KALRN: variants seen among roughly 807,000 people sequenced by gnomAD.
KALRN encodes kalirin RhoGEF kinase.
Under a neutral mutation model 353.7 loss-of-function variants are expected in KALRN, and 70 were observed. That is an observed-to-expected ratio of 0.20 (90% CI 0.16 to 0.24). The LOEUF (loss-of-function observed/expected upper bound fraction) is 0.24, where lower values mean the gene tolerates loss of function less well. Ranked by LOEUF, KALRN falls within the 10% of genes least tolerant of loss-of-function variation. The pLI is 1.00. For missense variants in KALRN, 2,791 were observed against 3,756.7 expected (o/e 0.74, Z 6.72); for synonymous variants, 1,391 against 1,434.8 (o/e 0.97, Z 0.69).
At chr3:124,567,935 A>G (rs188261789) in intron 34 of KALRN, among the ~76,000 whole-genome samples, 213 of 152,220 alleles carry the variant, frequency 1.4e-3, no homozygotes, top group African/African-American at 4.2e-3. Flanking sequence ...TGTTCACGCC[A>G]CTGCACTCCA....
intron 11 of KALRN, among the ~76,000 whole-genome samples, chr3:124,394,710 T>A (rs1172158174): frequency 6.6e-6 from 1 of 152,226 alleles, no homozygotes; most frequent in Non-Finnish European, 1.5e-5. Flanking sequence ...ACATTCTTTG[T>A]GTATTTGCAA....
chr3:124,052,156 C>A (rs1470205211), intron 1 of KALRN, among the ~76,000 whole-genome samples: 1 of 152,220 alleles, frequency 6.6e-6, no homozygotes, highest in African/African-American at 2.4e-5. Context: ...ACTGCTTGGT[C>A]AGTCCTCCTG....
intron 47 of KALRN, among the ~76,000 whole-genome samples, chr3:124,668,622 G>A (rs1248269771): frequency 6.6e-6 from 1 of 152,170 alleles, no homozygotes; most frequent in Non-Finnish European, 1.5e-5. Flanking sequence ...CTTACAGAAA[G>A]TATTTTTGGG....
intron 17 of KALRN, 60 bp downstream of exon 17, chr3:124,434,585 T>G (rs965395266): frequency 1.7e-5 from 26 of 1,521,906 alleles, no homozygotes; most frequent in Non-Finnish European, 2.3e-5. Context: ...ATTTTCTGCC[T>G]TGCAGTGTAA....
At chr3:124,495,963 A>ATATATATATATGTG (rs1561135731) in intron 32 of KALRN, among the ~76,000 whole-genome samples, 4 of 26,208 alleles carry the variant, frequency 1.5e-4, no homozygotes, top group Non-Finnish European at 2.5e-4. Flanking sequence ...ATGTGTATGT[A>ATATATATATATGTG]TGTATATATA....
chr3:124,151,958 C>T (rs142910225), intron 1 of KALRN: 19 of 1,202,072 alleles, frequency 1.6e-5, no homozygotes, highest in Middle Eastern at 2.8e-4. Context: ...ATGGTAGACA[C>T]CTTAGTTCAT....
intron 21 of KALRN, among the ~76,000 whole-genome samples, chr3:124,451,113 T>C (rs986516508): frequency 6.6e-6 from 1 of 152,062 alleles, no homozygotes; most frequent in African/African-American, 2.4e-5. Flanking sequence ...TATAGAAAAT[T>C]ATGAGATTAT....
chr3:124,543,304 C>G (rs2069244337), intron 33 of KALRN, among the ~76,000 whole-genome samples: 1 of 141,968 alleles, frequency 7.0e-6, no homozygotes, highest in African/African-American at 2.6e-5. Context: ...AATTTACGGA[C>G]TTTTTTTTTT....
chr3:124,213,513 A>T (rs2077066937), intron 1 of KALRN, among the ~76,000 whole-genome samples: 1 of 152,114 alleles, frequency 6.6e-6, no homozygotes, highest in African/African-American at 2.4e-5. Context: ...TTTTAAAAAA[A>T]GTTTAATTAT....
At chr3:124,546,371 G>A (rs2069666316) in intron 33 of KALRN, among the ~76,000 whole-genome samples, 1 of 152,082 alleles carries the variant, frequency 6.6e-6, no homozygotes, top group South Asian at 2.1e-4. Flanking sequence ...GGCTGAGCTG[G>A]GGGGATCACT....
intron 1 of KALRN, among the ~76,000 whole-genome samples, chr3:124,120,831 C>G (rs530141002): frequency 9.3e-5 from 14 of 150,048 alleles, no homozygotes; most frequent in Non-Finnish European, 8.9e-5. Context: ...CAGAAATGCT[C>G]CTGTAATCCC....
chr3:124,445,610 T>A (rs1331161031), intron 19 of KALRN, among the ~76,000 whole-genome samples: 1 of 152,206 alleles, frequency 6.6e-6, no homozygotes, highest in African/African-American at 2.4e-5. Flanking sequence ...CTATGACCAC[T>A]ATTTAGAAGT....
rs192927322 is a variant in KALRN, at chr3:124,043,958, C to G, written c.73+10145C>G. On this transcript the variant is annotated intron_variant, in intron 1 of 59. Transcript: ENST00000682506. ...TCTGGGCAGCCTTCTGAGGAGGGGTCAATGTCTGGCCATCAGGGTACTGTA... is the reference window on the plus strand; with the variant it reads ...TCTGGGCAGCCTTCTGAGGAGGGGTGAATGTCTGGCCATCAGGGTACTGTA... Among the ~76,000 whole-genome samples the G allele has an allele frequency of 3.3e-5, 5 of 152,054 alleles. No individual in the cohort carries two copies. The East Asian group carries it at 9.7e-4, about 30-fold the overall frequency.
Position 124,725,580 on chromosome 3 carries a change from A to C in KALRN, c.*6110A>C, listed in dbSNP as rs2063409207. On this transcript the variant is annotated 3_prime_UTR_variant, in exon 60 of 60. Transcript: ENST00000682506. ...GGTGGGTCAATGTTTCTAATGGAAA[A>C]CCATTTAGGGCCATTCAAAACCATT... 6.6e-6 allele frequency: 1 copy of C among 152,146 alleles called. No individual in the cohort carries two copies. The highest frequency in any genetic ancestry group is 1.5e-5 in the Non-Finnish European group (1 of 68,032). The allele number at this position is 152,146 out of a possible 1,614,324, so 9.4% of individuals were successfully genotyped here.
intron 30 of KALRN, 57 bp from the exon 31 acceptor site, chr3:124,491,266 T>C: frequency 1.1e-6 from 1 of 926,114 alleles, no homozygotes; most frequent in Non-Finnish European, 1.6e-6. Flanking sequence ...ACCCCAGCCC[T>C]AAGTTTCCCC....
intron 10 of KALRN, among the ~76,000 whole-genome samples, chr3:124,360,467 A>G (rs955799438): frequency 6.6e-6 from 1 of 152,240 alleles, no homozygotes; most frequent in Non-Finnish European, 1.5e-5. Context: ...TTCTCTGCCT[A>G]GTGGCCCTCC....
At chr3:124,533,493 A>C (rs1180103627) in intron 33 of KALRN, among the ~76,000 whole-genome samples, 1 of 152,054 alleles carries the variant, frequency 6.6e-6, no homozygotes, top group Admixed American at 6.6e-5. Flanking sequence ...AAATACAAAA[A>C]AATTAGCCTG....
Position 124,033,722 on chromosome 3 carries a change from C to A in KALRN, c.-19C>A, listed in dbSNP as rs980352244. ...GGCTTCTTCGGCTCCCGGCTGCCCGCGGACGCCCTCCCACAGTCATGAACC... is the reference window on the plus strand; with the variant it reads ...GGCTTCTTCGGCTCCCGGCTGCCCGAGGACGCCCTCCCACAGTCATGAACC... On this transcript the variant is annotated 5_prime_UTR_variant, in exon 1 of 60. Coordinates refer to ENST00000682506, the MANE Select transcript of KALRN (RefSeq NM_001388419.1). This position sits in a 1 kb window ranked among gnomAD's most constrained non-coding sequence, Gnocchi z 6.2. Among the ~76,000 whole-genome samples, 12 of 152,046 alleles carry A rather than the reference C, an allele frequency of 7.9e-5. No homozygotes were observed. The highest frequency in any genetic ancestry group is 2.9e-4 in the African/African-American group (12 of 41,416).
intron 1 of KALRN, among the ~76,000 whole-genome samples, chr3:124,167,473 T>A (rs1359228780): frequency 6.6e-6 from 1 of 152,236 alleles, no homozygotes; most frequent in Non-Finnish European, 1.5e-5. Flanking sequence ...TTTTCCCATC[T>A]GTGAAATAAA....
Sources: gnomAD v4.1 joint callset for allele counts (sites outside exome capture counted in the v4.1 genomes callset) on GRCh38, gnomAD v4.1.1 for gene constraint, Gnocchi (gnomAD v3.1) non-coding constraint, MANE v1.5 for transcripts, NCBI Gene and HGNC (gene_info 2026-07-23, HGNC 2026-07-21) for gene names.